The following DPP6 variants were observed in gnomAD, a reference collection of about 807,000 sequenced individuals.
The protein encoded by DPP6 is A-type potassium channel modulatory protein DPP6.
A neutral mutation model predicts 122.6 loss-of-function variants in DPP6; 69 were observed. The observed-to-expected ratio is 0.56, with a 90% CI of 0.46 to 0.69. The LOEUF (loss-of-function observed/expected upper bound fraction) is 0.69, where lower values mean the gene tolerates loss of function less well. Ranked by LOEUF, DPP6 falls within the 30% of genes least tolerant of loss-of-function variation. The pLI is 0.00. For missense variants in DPP6, 928 were observed against 1,116.9 expected (o/e 0.83, Z 2.41); for synonymous variants, 418 against 433.1 (o/e 0.97, Z 0.43).
intron 1 of DPP6, among the ~76,000 whole-genome samples, chr7:153,994,106 T>C (rs1797322249): frequency 6.6e-6 from 1 of 151,866 alleles, no homozygotes; most frequent in East Asian, 1.9e-4. Context: ...GTGACCTCTC[T>C]GGTTGAGTGA....
At chr7:153,950,466 G>C (rs1802158462) in intron 1 of DPP6, among the ~76,000 whole-genome samples, 1 of 152,216 alleles carries the variant, frequency 6.6e-6, no homozygotes, top group Admixed American at 6.5e-5. Context: ...AGTCTCAGCA[G>C]GGGACTGCCA....
At chr7:154,437,673 T>C (rs1373010450) in intron 1 of DPP6, among the ~76,000 whole-genome samples, 5 of 152,224 alleles carry the variant, frequency 3.3e-5, no homozygotes, top group Non-Finnish European at 7.3e-5. Context: ...TGGTGGTTCA[T>C]GCCTGTAATT....
At chr7:154,231,770 T>G (rs906218572) in intron 1 of DPP6, among the ~76,000 whole-genome samples, 3 of 152,272 alleles carry the variant, frequency 2.0e-5, no homozygotes, top group Admixed American at 6.5e-5. Flanking sequence ...GATTACAGCC[T>G]AAAGGCTCCA....
At chr7:153,956,361 G>T (rs73496234) in intron 1 of DPP6, among the ~76,000 whole-genome samples, 224 of 152,232 alleles carry the variant, frequency 1.5e-3, no homozygotes, top group African/African-American at 5.3e-3. Flanking sequence ...AGGCCTGAAA[G>T]AATTGGCAGT....
chr7:154,753,342 A>G (rs1005282345), intron 8 of DPP6, among the ~76,000 whole-genome samples: 4 of 152,062 alleles, frequency 2.6e-5, no homozygotes, highest in Admixed American at 2.0e-4. Context: ...GACCACATCC[A>G]CACACCCAGG....
At chr7:154,597,932 A>G (rs1043232696) in intron 5 of DPP6, among the ~76,000 whole-genome samples, 5 of 152,090 alleles carry the variant, frequency 3.3e-5, no homozygotes, top group African/African-American at 1.2e-4. Flanking sequence ...CCCTGTTTAC[A>G]CCGACACCAG....
intron 6 of DPP6, among the ~76,000 whole-genome samples, chr7:154,642,114 A>T (rs533072356): frequency 6.6e-6 from 1 of 152,328 alleles, no homozygotes; most frequent in East Asian, 1.9e-4. Flanking sequence ...GGAAGTAGAT[A>T]TCTAGGTCGA....
upstream of DPP6, among the ~76,000 whole-genome samples, chr7:153,882,284 A>G (rs982413612): frequency 1.3e-5 from 2 of 152,348 alleles, no homozygotes; most frequent in East Asian, 3.9e-4. Context: ...GACAGCTCAC[A>G]TTTTAAAGAA....
the DPP6 span, among the ~76,000 whole-genome samples, chr7:153,772,295 G>C: frequency 5.1e-4 from 78 of 152,162 alleles, no homozygotes; most frequent in Non-Finnish European, 1.0e-4. Flanking sequence ...TGTTGGCCAG[G>C]CTGGTCTTGA....
chr7:154,260,752 T>TTA (rs1490422314), intron 1 of DPP6, among the ~76,000 whole-genome samples: 2 of 148,044 alleles, frequency 1.4e-5, no homozygotes, highest in Non-Finnish European at 3.0e-5. Flanking sequence ...AATATATATA[T>TTA]TATATATATT....
intron 16 of DPP6, among the ~76,000 whole-genome samples, chr7:154,812,652 C>T (rs1467533621): frequency 3.3e-5 from 5 of 152,124 alleles, no homozygotes; most frequent in Admixed American, 6.5e-5. Flanking sequence ...TCTCAAAGGC[C>T]CCACCTCTTA....
intron 7 of DPP6, among the ~76,000 whole-genome samples, chr7:154,725,086 C>A (rs1490262339): frequency 6.6e-6 from 1 of 152,104 alleles, no homozygotes; most frequent in African/African-American, 2.4e-5. Flanking sequence ...GGCCTTTTTA[C>A]AGATTGTGAC....
chr7:154,610,064 G>A (rs894281812), intron 5 of DPP6, among the ~76,000 whole-genome samples: 1 of 152,136 alleles, frequency 6.6e-6, no homozygotes, highest in African/African-American at 2.4e-5. Flanking sequence ...TATGCGGTGT[G>A]TTAGATGCTG....
intron 1 of DPP6, among the ~76,000 whole-genome samples, chr7:153,938,727 C>T (rs1054984434): frequency 2.6e-5 from 4 of 152,190 alleles, no homozygotes; most frequent in Non-Finnish European, 5.9e-5. Context: ...TCGTATTCCT[C>T]AAGACCTATC....
chr7:154,406,312 G>A (rs942447315), intron 1 of DPP6, among the ~76,000 whole-genome samples: 3 of 152,088 alleles, frequency 2.0e-5, no homozygotes, highest in Non-Finnish European at 4.4e-5. Flanking sequence ...ATTTAGTCAT[G>A]GTTTGTGGAC....
chr7:154,389,007 C>G (rs1007637645), intron 1 of DPP6, among the ~76,000 whole-genome samples: 1 of 152,098 alleles, frequency 6.6e-6, no homozygotes, highest in Non-Finnish European at 1.5e-5. Context: ...ATTTTTCTTT[C>G]GAGCAGTAGA....
chr7:153,782,708 GT>G, the DPP6 span, among the ~76,000 whole-genome samples: 4 of 152,224 alleles, frequency 2.6e-5, no homozygotes, highest in Non-Finnish European at 4.4e-5. Context: ...TGTCCTGCCT[GT>G]ATAAAAATGG....
intron 1 of DPP6, among the ~76,000 whole-genome samples, chr7:154,157,072 T>C: frequency 6.6e-6 from 1 of 152,238 alleles, no homozygotes; most frequent in South Asian, 2.1e-4. Flanking sequence ...TGTGTGAGGT[T>C]CTTTCAAATG....
chr7:154,681,760 C>T (rs1839295103), intron 7 of DPP6, among the ~76,000 whole-genome samples: 2 of 152,212 alleles, frequency 1.3e-5, no homozygotes, highest in Admixed American at 6.5e-5. Flanking sequence ...AAGGTTCCAT[C>T]TCCTGGTCTT....
Sources: gnomAD v4.1 joint callset for allele counts (sites outside exome capture counted in the v4.1 genomes callset) on GRCh38, gnomAD v4.1.1 for gene constraint, MANE v1.5 for transcripts, NCBI Gene and HGNC (gene_info 2026-07-23, HGNC 2026-07-21) for gene names.